Variants in PAPPA2 observed in about 807,000 individuals in gnomAD.
PAPPA2 encodes pappalysin 2.
A neutral mutation model predicts 176.4 loss-of-function variants in PAPPA2; 86 were observed. That is an observed-to-expected ratio of 0.49 (90% CI 0.41 to 0.58). PAPPA2 has a LOEUF of 0.58. PAPPA2 is among the 20% of genes least tolerant of loss of function. PAPPA2 has a pLI of 0.00. For missense variants in PAPPA2, 2,073 were observed against 2,256.9 expected, an observed-to-expected ratio of 0.92 and a Z score of 1.65; for synonymous variants, 809 against 852.2, an observed-to-expected ratio of 0.95 and a Z score of 0.88.
chr1:176,671,546 A>C (rs1241202417), intron 4 of PAPPA2, among the ~76,000 whole-genome samples: 1 of 152,128 alleles, frequency 6.6e-6, no homozygotes, highest in Non-Finnish European at 1.5e-5. Flanking sequence ...GAAATTCAAA[A>C]GGTGGGGCTT....
intron 14 of PAPPA2, among the ~76,000 whole-genome samples, chr1:176,741,602 G>A (rs1662680826): frequency 1.3e-5 from 2 of 152,098 alleles, no homozygotes. Context: ...CATACCCAAG[G>A]GGAGGGGTTG....
At chr1:176,551,263 G>A (rs1401892091) in intron 1 of PAPPA2, among the ~76,000 whole-genome samples, 1 of 152,198 alleles carries the variant, frequency 6.6e-6, no homozygotes, top group Admixed American at 6.5e-5. Flanking sequence ...AGCTGAATAA[G>A]ATTCCAATAA....
intron 14 of PAPPA2, among the ~76,000 whole-genome samples, chr1:176,749,988 A>T (rs1663093783): frequency 6.6e-6 from 1 of 152,234 alleles, no homozygotes; most frequent in South Asian, 2.1e-4. Context: ...CTTTGAATAA[A>T]TACCAAGGAA....
At chr1:176,513,335 AATTTTTTCTTT>A (rs1238030308) in intron 1 of PAPPA2, among the ~76,000 whole-genome samples, 1 of 151,976 alleles carries the variant, frequency 6.6e-6, no homozygotes, top group Non-Finnish European at 1.5e-5. Flanking sequence ...AATTGTTAAT[AATTTTTTCTTT>A]ATTTTTTCTT....
intron 1 of PAPPA2, among the ~76,000 whole-genome samples, chr1:176,529,942 G>A (rs1649718802): frequency 6.6e-6 from 1 of 152,120 alleles, no homozygotes; most frequent in Admixed American, 6.5e-5. Flanking sequence ...GATGCCAGGA[G>A]AAGCAATACC....
intron 3 of PAPPA2, among the ~76,000 whole-genome samples, chr1:176,667,076 T>C (rs1032396642): frequency 6.6e-6 from 1 of 151,886 alleles, no homozygotes; most frequent in African/African-American, 2.4e-5. Context: ...AGAAACCCTG[T>C]CTCTACTAAA....
intron 1 of PAPPA2, among the ~76,000 whole-genome samples, chr1:176,482,217 A>G (rs1309207891): frequency 2.0e-5 from 3 of 152,210 alleles, no homozygotes; most frequent in Non-Finnish European, 4.4e-5. Context: ...ACTGAAATCT[A>G]TTAGTCCAAA....
intron 3 of PAPPA2, 26 bp downstream of exon 3, chr1:176,595,621 C>T: frequency 6.3e-7 from 1 of 1,577,040 alleles, no homozygotes; most frequent in East Asian, 2.3e-5. Context: ...TTGGGGTGTC[C>T]TACTTGTAGG....
At chr1:176,495,026 C>A (rs1221224202) in intron 1 of PAPPA2, among the ~76,000 whole-genome samples, 1 of 152,108 alleles carries the variant, frequency 6.6e-6, no homozygotes. Context: ...TAAAGTCAGG[C>A]CCCAAAATGC....
intron 3 of PAPPA2, among the ~76,000 whole-genome samples, chr1:176,668,039 G>A (rs1658767449): frequency 1.3e-5 from 2 of 152,120 alleles, no homozygotes; most frequent in Non-Finnish European, 2.9e-5. Context: ...CGGTAGACTG[G>A]AAACCTGGCA....
rs1302073076 is a variant in PAPPA2 at position 176,730,025 on chromosome 1, A to G, written c.3799-9601A>G. Among the ~76,000 whole-genome samples the G allele has an allele frequency of 2.6e-5, 4 of 152,070 alleles. No homozygotes were observed. The East Asian group carries it at 7.7e-4, about 29-fold the overall frequency. ...TGAAGCAAGACTACATACTTATTGTATATTTTAAACGTATTGTTGGATTTT... is the reference window on the plus strand; with the variant it reads ...TGAAGCAAGACTACATACTTATTGTGTATTTTAAACGTATTGTTGGATTTT... On this transcript the variant is annotated intron_variant, in intron 12 of 22. Transcript: ENST00000367662.
At chr1:176,601,180 A>G (rs1392612485) in intron 3 of PAPPA2, among the ~76,000 whole-genome samples, 2 of 152,142 alleles carry the variant, frequency 1.3e-5, no homozygotes, top group African/African-American at 2.4e-5. Context: ...CCCCTCTGTC[A>G]TGTCTGCTTT....
At chr1:176,839,914 G>A (rs891304483) in intron 21 of PAPPA2, among the ~76,000 whole-genome samples, 1 of 152,162 alleles carries the variant, frequency 6.6e-6, no homozygotes, top group Admixed American at 6.5e-5. Flanking sequence ...GTTGATCAAA[G>A]AGTTTAAATG....
At chr1:176,809,954 G>A (rs1184289325) in intron 21 of PAPPA2, among the ~76,000 whole-genome samples, 1 of 13,444 alleles carries the variant, frequency 7.4e-5, no homozygotes, top group African/African-American at 3.0e-4. Flanking sequence ...AAGATGCAGT[G>A]TGTGTGTGTG....
intron 12 of PAPPA2, among the ~76,000 whole-genome samples, chr1:176,730,615 T>A (rs1558548068): frequency 6.6e-6 from 1 of 151,720 alleles, no homozygotes; most frequent in East Asian, 1.9e-4. Context: ...TTTTTGTATT[T>A]CGTTGATTTC....
chr1:176,783,524 A>G (rs1422219832), intron 17 of PAPPA2, among the ~76,000 whole-genome samples: 2 of 152,236 alleles, frequency 1.3e-5, no homozygotes, highest in African/African-American at 4.8e-5. Flanking sequence ...CTGGGTTTTC[A>G]GCATTAGGTG....
At chr1:176,794,378 C>G (rs962941487) in intron 20 of PAPPA2, among the ~76,000 whole-genome samples, 5 of 152,148 alleles carry the variant, frequency 3.3e-5, no homozygotes, top group African/African-American at 1.2e-4. Flanking sequence ...TGTGAAATGT[C>G]TTGCACAGTT....
intron 3 of PAPPA2, among the ~76,000 whole-genome samples, chr1:176,596,269 C>T (rs1319613212): frequency 1.3e-5 from 2 of 152,166 alleles, no homozygotes; most frequent in African/African-American, 2.4e-5. Flanking sequence ...ATCTGAACCC[C>T]CTACCTGATA....
chr1:176,531,446 G>A (rs1003241046), intron 1 of PAPPA2, among the ~76,000 whole-genome samples: 3 of 152,176 alleles, frequency 2.0e-5, no homozygotes, highest in African/African-American at 7.2e-5. Flanking sequence ...ATTATATTCT[G>A]AGAATTAATC....
Sources: allele counts gnomAD v4.1 joint callset (sites outside exome capture counted in the v4.1 genomes callset), GRCh38; gene constraint gnomAD v4.1.1; transcripts MANE v1.5; gene names NCBI Gene and HGNC (gene_info 2026-07-23, HGNC 2026-07-21).